Variants in MSRB2 observed in about 807,000 individuals in gnomAD.
The protein encoded by MSRB2 is methionine sulfoxide reductase B2, also known as methionine-R-sulfoxide reductase B2, mitochondrial.
In MSRB2, 17 loss-of-function variants were observed where a neutral mutation model predicts 19.0. That is an observed-to-expected ratio of 0.89 (90% CI 0.61 to 1.34). The LOEUF is 1.34. Ranked by LOEUF, MSRB2 falls within the 40% of genes most tolerant of loss-of-function variation. MSRB2 has a pLI of 0.00. For missense variants in MSRB2, 208 were observed against 237.6 expected, an observed-to-expected ratio of 0.88 and a Z score of 0.82; for synonymous variants, 107 against 99.7, an observed-to-expected ratio of 1.07 and a Z score of -0.44.
At chr10:23,096,352 C>CTCTCTGTGTGTGTGTGTGTGTGTG (rs144653384) in intron 1 of MSRB2, among the ~76,000 whole-genome samples, 17 of 142,832 alleles carry the variant, frequency 1.2e-4, no homozygotes, top group African/African-American at 2.5e-4. Context: ...CTCTCTCTCT[C>CTCTCTGTGTGTGTGTGTGTGTGTG]TGTGTGTGTG....
chr10:23,096,507 C>T (rs1839871641), intron 1 of MSRB2, among the ~76,000 whole-genome samples: 1 of 152,062 alleles, frequency 6.6e-6, no homozygotes. Flanking sequence ...ACTTAGTGCC[C>T]CAGGGGATTG....
chr10:23,113,933 G>T (rs907344982), intron 3 of MSRB2, among the ~76,000 whole-genome samples: 1 of 152,068 alleles, frequency 6.6e-6, no homozygotes, highest in African/African-American at 2.4e-5. Flanking sequence ...CCCATTTTGT[G>T]GTACTTTGTT....
intron 1 of MSRB2, among the ~76,000 whole-genome samples, chr10:23,096,083 G>A (rs926762434): frequency 6.6e-6 from 1 of 151,916 alleles, no homozygotes; most frequent in Non-Finnish European, 1.5e-5. Flanking sequence ...GGCTGTAGCA[G>A]CCCGGCCCGC....
At chr10:23,098,200 A>G (rs1390995738) in intron 1 of MSRB2, among the ~76,000 whole-genome samples, 1 of 152,156 alleles carries the variant, frequency 6.6e-6, no homozygotes, top group African/African-American at 2.4e-5. Flanking sequence ...GTTTCTAAAG[A>G]GTTCCATTAG....
intron 3 of MSRB2, 123 bp downstream of exon 3, chr10:23,110,441 T>G: frequency 1.3e-6 from 1 of 747,790 alleles, no homozygotes. Context: ...TAAATTGCTC[T>G]TCTCATTTTG....
intron 3 of MSRB2, among the ~76,000 whole-genome samples, chr10:23,118,375 G>C (rs1422375451): frequency 1.0e-5 from 1 of 99,184 alleles, no homozygotes; most frequent in Non-Finnish European, 1.9e-5. Context: ...CTAACATTCA[G>C]TTCTTCTCTT....
intron 3 of MSRB2, among the ~76,000 whole-genome samples, chr10:23,117,807 T>C (rs1840129119): frequency 6.6e-6 from 1 of 152,150 alleles, no homozygotes; most frequent in African/African-American, 2.4e-5. Flanking sequence ...GCCAGGCTGG[T>C]CTCGAACTCC....
rs369372882 is a variant in MSRB2 at position 23,104,253 on chromosome 10, A to T, written c.219+9A>T. ...AAAAGGGAACGGAACCGGTAAGCTA[A>T]GCTGGTTTACAGTTTTCTGATTGCA... On this transcript the variant is annotated intron_variant, in intron 2 of 4. Transcript: ENST00000376510. 1.5e-5 allele frequency: 24 copies of T among 1,610,972 alleles called. No individual in the cohort carries two copies. The African/African-American group carries it at 3.2e-4, about 22-fold the overall frequency.
intron 1 of MSRB2, among the ~76,000 whole-genome samples, chr10:23,102,826 G>T (rs1839940113): frequency 1.3e-5 from 2 of 152,152 alleles, no homozygotes; most frequent in South Asian, 4.1e-4. Flanking sequence ...CATTCTGCGT[G>T]ATAACTCTGA....
intron 4 of MSRB2, among the ~76,000 whole-genome samples, chr10:23,119,903 A>G (rs1259563679): frequency 6.6e-6 from 1 of 152,178 alleles, no homozygotes; most frequent in Non-Finnish European, 1.5e-5. Context: ...CCCAGAACAC[A>G]TGGGGTTTCT....
In MSRB2 at chr10:23,098,768, T is replaced by C. The variant is rs1455027476; in HGVS notation, c.118+3042T>C. Among the ~76,000 whole-genome samples, 4 of 152,346 alleles carry C rather than the reference T, an allele frequency of 2.6e-5. No individual in the cohort carries two copies. In the East Asian group the frequency reaches 7.7e-4, roughly 29 times the overall value. ...TTTGATAAAACTGCTCAGAATTTACTCATACTGTAATTTTTATTTAAACTT... is the reference window on the plus strand; with the variant it reads ...TTTGATAAAACTGCTCAGAATTTACCCATACTGTAATTTTTATTTAAACTT... On this transcript the variant is annotated intron_variant, in intron 1 of 4. Coordinates refer to ENST00000376510, the MANE Select transcript of MSRB2 (RefSeq NM_012228.4).
intron 2 of MSRB2, among the ~76,000 whole-genome samples, chr10:23,107,687 G>A (rs1045745969): frequency 2.0e-5 from 3 of 152,150 alleles, no homozygotes; most frequent in African/African-American, 4.8e-5. Flanking sequence ...GTCAGCTCAC[G>A]TGTGTCTTCC....
At chr10:23,118,186 G>C (rs1207205997) in intron 3 of MSRB2, among the ~76,000 whole-genome samples, 1 of 152,128 alleles carries the variant, frequency 6.6e-6, no homozygotes, top group African/African-American at 2.4e-5. Context: ...ACACAGAGGG[G>C]ACATGAGGGG....
chr10:23,095,624 T>A lies in MSRB2; in HGVS notation c.16T>A (p.Trp6Arg). 6.8e-7 allele frequency: 1 copy of A among 1,463,272 alleles called. No homozygotes were observed. The highest frequency in any genetic ancestry group is 9.0e-7 in the Non-Finnish European group (1 of 1,113,588). 90.6% of individuals were successfully genotyped at this position (1,463,272 alleles called of 1,614,324 possible). Residue 6 changes from tryptophan (W) to arginine (R), a missense_variant, in exon 1 of 5, where the codon TGG becomes AGG. Coordinates refer to ENST00000376510, the MANE Select transcript of MSRB2 (RefSeq NM_012228.4). MARLLWLLRGLTLGTA... is the reference protein window; with the variant it reads MARLLRLLRGLTLGTA... ...AGCGGGCGTCATGGCGCGGCTCCTC[T>A]GGTTGCTCCGGGGCCTGACCCTCGG... is the stretch of plus-strand genomic sequence containing the variant.
chr10:23,098,879 T>G (rs1314431515), intron 1 of MSRB2, among the ~76,000 whole-genome samples: 1 of 152,196 alleles, frequency 6.6e-6, no homozygotes, highest in Non-Finnish European at 1.5e-5. Context: ...AACGATGGAA[T>G]TCATTTTCAT....
intron 2 of MSRB2, among the ~76,000 whole-genome samples, chr10:23,106,793 A>G (rs573859581): frequency 6.6e-6 from 1 of 152,248 alleles, no homozygotes; most frequent in Admixed American, 6.5e-5. Flanking sequence ...TAGCCCAGGG[A>G]TGCGTTGCCC....
chr10:23,104,985 T>C (rs1309759077), intron 2 of MSRB2, among the ~76,000 whole-genome samples: 3 of 152,234 alleles, frequency 2.0e-5, no homozygotes, highest in Admixed American at 2.0e-4. Context: ...GCATTTGCCA[T>C]CACTGCTGTA....
intron 2 of MSRB2, among the ~76,000 whole-genome samples, chr10:23,107,088 G>A (rs1588969046): frequency 6.6e-6 from 1 of 152,116 alleles, no homozygotes. Context: ...CCACTGCTCT[G>A]CCTGAGCAGG....
At chr10:23,117,256 T>C (rs1305040971) in intron 3 of MSRB2, among the ~76,000 whole-genome samples, 11 of 152,190 alleles carry the variant, frequency 7.2e-5, no homozygotes. Flanking sequence ...TACCTGTGGT[T>C]CTTAAAGCCT....
Sources: gnomAD v4.1 joint callset for allele counts (sites outside exome capture counted in the v4.1 genomes callset) on GRCh38, gnomAD v4.1.1 for gene constraint, MANE v1.5 for transcripts, NCBI Gene and HGNC (gene_info 2026-07-23, HGNC 2026-07-21) for gene names.